The following PPFIA2 variants were observed in gnomAD, a reference collection of about 807,000 sequenced individuals.
PPFIA2 encodes PPFI scaffold protein A2.
Under a neutral mutation model 175.5 loss-of-function variants are expected in PPFIA2, and 46 were observed. That is an observed-to-expected ratio of 0.26 (90% CI 0.21 to 0.34). The LOEUF (loss-of-function observed/expected upper bound fraction) is 0.34. Ranked by LOEUF, PPFIA2 falls within the 10% of genes least tolerant of loss-of-function variation. The pLI, the probability that PPFIA2 is intolerant of heterozygous loss-of-function variation, is 1.00. For synonymous variants in PPFIA2, 568 were observed against 511.4 expected (o/e 1.11, Z -1.49); for missense variants, 1,179 against 1,506.1 (o/e 0.78, Z 3.60).
At position 81,676,827 on chromosome 12, in the gene PPFIA2, T is replaced by C. The variant is rs766851128; in HGVS notation, c.267A>G (p.Thr89=). Residue 89 remains threonine (T), a synonymous_variant, in exon 4 of 33, where the codon ACA becomes ACG. Transcript: ENST00000549396. ...CCCCCTTAGAACCAGCCAGCCCTCC[T>C]GTTAGGGATTCGATATCCTGAAAAG... is the stretch of plus-strand genomic sequence containing the variant. ...SALPQDIESL[T]GGLAGSKGAD... 1.3e-6 allele frequency: 2 copies of C among 1,564,660 alleles called. No individual in the cohort carries two copies. The highest frequency in any genetic ancestry group is 1.9e-5 in the Admixed American group (1 of 52,738).
At chr12:81,574,532 G>A (rs562641187) in intron 4 of PPFIA2, among the ~76,000 whole-genome samples, 1 of 151,608 alleles carries the variant, frequency 6.6e-6, no homozygotes, top group Non-Finnish European at 1.5e-5. Flanking sequence ...GTAAAAGATT[G>A]CATCCTTCTA....
intron 4 of PPFIA2, among the ~76,000 whole-genome samples, chr12:81,464,654 A>G (rs2055256291): frequency 6.6e-6 from 1 of 152,138 alleles, no homozygotes; most frequent in South Asian, 2.1e-4. Context: ...GGCAAAGCAT[A>G]GATTCACTCA....
intron 4 of PPFIA2, 162 bp downstream of exon 4, chr12:81,676,629 C>T (rs2072562814): frequency 2.4e-6 from 1 of 424,362 alleles, no homozygotes; most frequent in Non-Finnish European, 4.1e-6. Context: ...CACCAGCCCA[C>T]ACCTCAAAGC....
intron 17 of PPFIA2, among the ~76,000 whole-genome samples, 187 bp downstream of exon 17, chr12:81,352,932 T>C (rs570532037): frequency 2.0e-5 from 3 of 152,312 alleles, no homozygotes; most frequent in South Asian, 2.1e-4. Context: ...ATAAAGGAGA[T>C]ATACAATATC....
intron 7 of PPFIA2, among the ~76,000 whole-genome samples, chr12:81,415,381 C>T (rs944447579): frequency 6.1e-5 from 9 of 147,516 alleles, no homozygotes; most frequent in Non-Finnish European, 1.4e-4. Context: ...CTGACTAGTA[C>T]TCCCAATTCC....
At chr12:81,698,421 C>G (rs2076125638) in intron 3 of PPFIA2, among the ~76,000 whole-genome samples, 2 of 152,064 alleles carry the variant, frequency 1.3e-5, no homozygotes, top group South Asian at 4.1e-4. Flanking sequence ...GATGACACAG[C>G]AAGAAGGCCC....
chr12:81,695,610 A>G (rs1396526777), intron 3 of PPFIA2, among the ~76,000 whole-genome samples: 6 of 152,204 alleles, frequency 3.9e-5, no homozygotes, highest in African/African-American at 9.6e-5. Context: ...ATTTCTTTGC[A>G]GCAATGCAAA....
At chr12:81,710,477 T>G (rs1215151687) in intron 3 of PPFIA2, among the ~76,000 whole-genome samples, 1 of 152,140 alleles carries the variant, frequency 6.6e-6, no homozygotes, top group African/African-American at 2.4e-5. Flanking sequence ...ATGTAATAAT[T>G]ACAGTGACAT....
intron 4 of PPFIA2, among the ~76,000 whole-genome samples, chr12:81,528,138 A>G (rs1202557781): frequency 1.5e-5 from 1 of 68,584 alleles, no homozygotes; most frequent in Non-Finnish European, 2.5e-5. Flanking sequence ...CCCTTAGCAG[A>G]TATTCAGTAT....
chr12:81,334,281 G>T (rs566505783), intron 21 of PPFIA2, among the ~76,000 whole-genome samples: 23 of 152,152 alleles, frequency 1.5e-4, no homozygotes, highest in African/African-American at 5.3e-4. Flanking sequence ...ATATAGTGAA[G>T]TTTTAGTTTT....
intron 3 of PPFIA2, among the ~76,000 whole-genome samples, chr12:81,682,990 A>T (rs1379828698): frequency 6.6e-6 from 1 of 152,072 alleles, no homozygotes; most frequent in East Asian, 1.9e-4. Context: ...TCTAAATATA[A>T]TGCATGTTGA....
chr12:81,297,080 C>T (rs2046641367), intron 23 of PPFIA2, among the ~76,000 whole-genome samples: 1 of 152,104 alleles, frequency 6.6e-6, no homozygotes, highest in Non-Finnish European at 1.5e-5. Flanking sequence ...TGGAGAGTCC[C>T]ATATGACAAG....
chr12:81,319,667 C>T (rs2053229339), intron 22 of PPFIA2, among the ~76,000 whole-genome samples: 1 of 151,782 alleles, frequency 6.6e-6, no homozygotes, highest in South Asian at 2.1e-4. Flanking sequence ...CCAAACTAGG[C>T]CATAAAAGGA....
chr12:81,514,937 T>TCTTCTTATC (rs1244803301), intron 4 of PPFIA2, among the ~76,000 whole-genome samples: 5 of 151,938 alleles, frequency 3.3e-5, no homozygotes, highest in Non-Finnish European at 5.9e-5. Context: ...TTAGAGACTT[T>TCTTCTTATC]CTTCTTATCC....
At chr12:81,314,041 C>A (rs2051677250) in intron 22 of PPFIA2, among the ~76,000 whole-genome samples, 1 of 151,868 alleles carries the variant, frequency 6.6e-6, no homozygotes, top group African/African-American at 2.4e-5. Flanking sequence ...TATCTGATTT[C>A]TCATAGTTTT....
chr12:81,376,571 G>A (rs1272621905), intron 9 of PPFIA2, among the ~76,000 whole-genome samples: 1 of 152,126 alleles, frequency 6.6e-6, no homozygotes, highest in African/African-American at 2.4e-5. Flanking sequence ...TTCAAGTGGA[G>A]AAAATCATGG....
intron 4 of PPFIA2, among the ~76,000 whole-genome samples, chr12:81,655,253 C>T (rs2067603316): frequency 6.6e-6 from 1 of 151,792 alleles, no homozygotes; most frequent in African/African-American, 2.4e-5. Flanking sequence ...CAAAAATCAA[C>T]TTTTGCCTTT....
chr12:81,273,447 A>C (rs1266112672), intron 28 of PPFIA2, among the ~76,000 whole-genome samples: 1 of 151,982 alleles, frequency 6.6e-6, no homozygotes, highest in African/African-American at 2.4e-5. Context: ...TGTCCCTCTT[A>C]ATTGGTTTCT....
Position 81,353,180 on chromosome 12 carries a change from C to T in PPFIA2, c.1933G>A (p.Asp645Asn), listed in dbSNP as rs756811275. The T allele has an allele frequency of 1.7e-5, 27 of 1,613,674 alleles. No homozygotes were observed. The highest frequency in any genetic ancestry group is 6.7e-5 in the East Asian group (3 of 44,868). Residue 645 changes from aspartate (D) to asparagine (N), a missense_variant, in exon 17 of 33, where the codon GAT becomes AAT. Physicochemically the swap from Asp to Asn is conservative, Grantham distance 23. Coordinates refer to ENST00000549396, the MANE Select transcript of PPFIA2 (RefSeq NM_003625.5). ...AGCATCATGGCTAGCGTCTGGGCAT[C>T]GGAATGACCACTTGGAGAGAGAAGA... ...MDLLSPSGHS[D>N]AQTLAMMLQE...
Sources: allele counts gnomAD v4.1 joint callset (sites outside exome capture counted in the v4.1 genomes callset), GRCh38; gene constraint gnomAD v4.1.1; transcripts MANE v1.5; gene names NCBI Gene and HGNC (gene_info 2026-07-23, HGNC 2026-07-21).